Variants in RNF180 observed in about 807,000 individuals in gnomAD.
RNF180 encodes the protein ring finger protein 180, also known as E3 ubiquitin-protein ligase RNF180.
In RNF180, 38 loss-of-function variants were observed where a neutral mutation model predicts 59.2. The ratio of observed to expected loss-of-function variants is 0.64; its 90% CI spans 0.50 to 0.84. RNF180 has a LOEUF of 0.84. Among genes scored for constraint, RNF180 ranks in the 40% least tolerant of loss-of-function variants. The pLI is 0.00. For synonymous variants in RNF180, 262 were observed against 240.3 expected (o/e 1.09, Z -0.84); for missense variants, 705 against 700.9 (o/e 1.01, Z -0.07).
At chr5:64,183,882 T>C (rs182860805) in intron 1 of RNF180, among the ~76,000 whole-genome samples, 1 of 152,338 alleles carries the variant, frequency 6.6e-6, no homozygotes, top group Admixed American at 6.5e-5. Flanking sequence ...CTATAATAGC[T>C]TTATTAGGCT....
chr5:64,206,022 A>AG (rs1440352825), intron 2 of RNF180, among the ~76,000 whole-genome samples: 1 of 152,180 alleles, frequency 6.6e-6, no homozygotes, highest in African/African-American at 2.4e-5. Context: ...AATGAGATCT[A>AG]GAAGATCAGA....
At chr5:64,291,416 CTTTTTTTT>C (rs1207692101) in intron 5 of RNF180, among the ~76,000 whole-genome samples, 3 of 71,794 alleles carry the variant, frequency 4.2e-5, no homozygotes, top group African/African-American at 1.3e-4. Context: ...AGTATGTTTT[CTTTTTTTT>C]TTTTTTTTTT....
chr5:64,362,657 A>G (rs1746303805), intron 7 of RNF180, among the ~76,000 whole-genome samples: 1 of 151,850 alleles, frequency 6.6e-6, no homozygotes, highest in Non-Finnish European at 1.5e-5. Flanking sequence ...ACTTTGAGGA[A>G]TCACCACACA....
intron 1 of RNF180, among the ~76,000 whole-genome samples, chr5:64,191,943 A>G (rs1178107434): frequency 6.6e-6 from 1 of 152,128 alleles, no homozygotes; most frequent in Non-Finnish European, 1.5e-5. Flanking sequence ...TTAAGTGTTT[A>G]ATTCATTTCG....
chr5:64,279,250 A>G (rs963199057), intron 5 of RNF180, among the ~76,000 whole-genome samples: 2 of 152,230 alleles, frequency 1.3e-5, no homozygotes, highest in African/African-American at 2.4e-5. Flanking sequence ...TATTGAGTAC[A>G]ATGAGAACTA....
chr5:64,254,221 C>G (rs914369811), intron 5 of RNF180, among the ~76,000 whole-genome samples: 4 of 152,114 alleles, frequency 2.6e-5, no homozygotes, highest in African/African-American at 7.2e-5. Flanking sequence ...TTCAAGTCCA[C>G]CTTTAGCTGT....
At chr5:64,229,584 A>C (rs762611018) in intron 5 of RNF180, among the ~76,000 whole-genome samples, 18 of 152,236 alleles carry the variant, frequency 1.2e-4, no homozygotes, top group Non-Finnish European at 2.5e-4. Flanking sequence ...TGCTTTTGCT[A>C]AACTGCTTTT....
At chr5:64,262,693 C>T (rs1744413937) in intron 5 of RNF180, among the ~76,000 whole-genome samples, 1 of 152,108 alleles carries the variant, frequency 6.6e-6, no homozygotes, top group African/African-American at 2.4e-5. Flanking sequence ...AGAGACTTTT[C>T]CCTGAGTTGC....
At chr5:64,175,784 C>A (rs1435745765) in intron 1 of RNF180, among the ~76,000 whole-genome samples, 1 of 151,930 alleles carries the variant, frequency 6.6e-6, no homozygotes, top group African/African-American at 2.4e-5. Flanking sequence ...TTTCTTTTAT[C>A]GATATTTTAT....
chr5:64,350,477 C>G (rs920184414), intron 7 of RNF180, among the ~76,000 whole-genome samples: 6 of 152,030 alleles, frequency 3.9e-5, no homozygotes, highest in Non-Finnish European at 8.8e-5. Context: ...ACATGAAGTC[C>G]TCGCCCATGC....
At chr5:64,170,101 G>A (rs1335076927) in intron 1 of RNF180, among the ~76,000 whole-genome samples, 1 of 152,182 alleles carries the variant, frequency 6.6e-6, no homozygotes, top group Non-Finnish European at 1.5e-5. Context: ...TGTGTATAAG[G>A]TTGGCCACAG....
chr5:64,210,820 G>T (rs1052491299), intron 2 of RNF180, among the ~76,000 whole-genome samples: 5 of 152,130 alleles, frequency 3.3e-5, no homozygotes, highest in African/African-American at 1.2e-4. Context: ...AGTTTCATAT[G>T]CCCGTGTAGT....
At chr5:64,313,786 TC>T (rs1421018528) in intron 5 of RNF180, among the ~76,000 whole-genome samples, 1 of 152,164 alleles carries the variant, frequency 6.6e-6, no homozygotes, top group Non-Finnish European at 1.5e-5. Flanking sequence ...GTGTAAGTGT[TC>T]CCTTTTCTGT....
At chr5:64,346,937 T>C (rs1230253654) in intron 7 of RNF180, among the ~76,000 whole-genome samples, 1 of 152,208 alleles carries the variant, frequency 6.6e-6, no homozygotes, top group Non-Finnish European at 1.5e-5. Context: ...CTCTGACTTG[T>C]TTATTTTCTG....
intron 7 of RNF180, among the ~76,000 whole-genome samples, chr5:64,366,944 C>A (rs548796844): frequency 2.0e-4 from 31 of 151,556 alleles, no homozygotes; most frequent in African/African-American, 7.5e-4. Context: ...GCCAAACTAT[C>A]AAGAGTCAAA....
intron 5 of RNF180, among the ~76,000 whole-genome samples, chr5:64,265,710 C>T (rs541484831): frequency 1.3e-5 from 2 of 152,170 alleles, no homozygotes; most frequent in East Asian, 3.9e-4. Context: ...GCTAGACAGG[C>T]TCTTTTTTGG....
intron 5 of RNF180, among the ~76,000 whole-genome samples, chr5:64,220,079 C>T (rs1253301020): frequency 1.3e-5 from 2 of 152,008 alleles, no homozygotes; most frequent in South Asian, 4.1e-4. Context: ...GTAATGATAA[C>T]CTCTTTTCAA....
chr5:64,353,541 T>C (rs904216397), intron 7 of RNF180, among the ~76,000 whole-genome samples: 1 of 151,788 alleles, frequency 6.6e-6, no homozygotes, highest in Admixed American at 6.6e-5. Flanking sequence ...TTTAGCCTAA[T>C]TGTGTCCAAT....
chr5:64,192,903 G>GTGTATATATATATATATATATATATATA (rs1486448173), intron 1 of RNF180, among the ~76,000 whole-genome samples: 1 of 93,888 alleles, frequency 1.1e-5, no homozygotes, highest in African/African-American at 4.1e-5. Context: ...AGTGTGGCAT[G>GTGTATATATATATATATATATATATATA]TATATATATA....
Sources: allele counts gnomAD v4.1 joint callset (sites outside exome capture counted in the v4.1 genomes callset), GRCh38; gene constraint gnomAD v4.1.1; transcripts MANE v1.5; gene names NCBI Gene and HGNC (gene_info 2026-07-23, HGNC 2026-07-21).